The following SNTG1 variants were observed in gnomAD, a reference collection of about 807,000 sequenced individuals.
SNTG1 encodes the protein syntrophin gamma 1, also known as gamma-1-syntrophin.
A neutral mutation model predicts 74.7 loss-of-function variants in SNTG1; 39 were observed. That is an observed-to-expected ratio of 0.52 (90% CI 0.40 to 0.68). SNTG1 has a LOEUF of 0.68. Ranked by LOEUF, SNTG1 falls within the 30% of genes least tolerant of loss-of-function variation. SNTG1 has a pLI of 0.00. For missense variants in SNTG1, 685 were observed against 609.5 expected (o/e 1.12, Z -1.30); for synonymous variants, 254 against 217.1 (o/e 1.17, Z -1.49).
intron 2 of SNTG1, among the ~76,000 whole-genome samples, chr8:50,188,662 A>C (rs913843734): frequency 1.3e-5 from 2 of 152,092 alleles, no homozygotes; most frequent in Non-Finnish European, 2.9e-5. Flanking sequence ...TCTGGTAAAC[A>C]CCACTTCCAT....
intron 1 of SNTG1, among the ~76,000 whole-genome samples, chr8:50,094,672 A>G (rs544713142): frequency 6.6e-6 from 1 of 152,284 alleles, no homozygotes; most frequent in African/African-American, 2.4e-5. Flanking sequence ...TGAAAGAGTC[A>G]AAAAAATAAC....
rs570893659 is a variant in SNTG1 at position 50,300,215 on chromosome 8, C to T, written c.-27-93997C>T. Among the ~76,000 whole-genome samples, 5 of 152,166 alleles carry T rather than the reference C, an allele frequency of 3.3e-5. No homozygotes were observed. In the South Asian group the frequency reaches 8.3e-4, roughly 25 times the overall value. On this transcript the variant is annotated intron_variant, in intron 2 of 18. Coordinates refer to ENST00000642720, the MANE Select transcript of SNTG1 (RefSeq NM_018967.5). ...TATCTTTTCGACCAAAAGAGTATTA[C>T]GAAACAGTTGTAGTATGCAAGCACC...
At chr8:50,485,683 C>T (rs1380883256) in intron 8 of SNTG1, among the ~76,000 whole-genome samples, 1 of 150,936 alleles carries the variant, frequency 6.6e-6, no homozygotes, top group Non-Finnish European at 1.5e-5. Context: ...AATTAGATCC[C>T]ATTTGTCAAT....
intron 17 of SNTG1, among the ~76,000 whole-genome samples, chr8:50,716,801 C>T (rs1419390880): frequency 6.6e-6 from 1 of 151,190 alleles, no homozygotes; most frequent in Admixed American, 6.6e-5. Flanking sequence ...GGCGCGATCT[C>T]AGCTCACTGC....
intron 9 of SNTG1, among the ~76,000 whole-genome samples, chr8:50,508,244 A>G (rs1157093009): frequency 6.6e-6 from 1 of 152,206 alleles, no homozygotes; most frequent in Non-Finnish European, 1.5e-5. Context: ...TACAAAAGAC[A>G]TGAACTCATC....
intron 1 of SNTG1, among the ~76,000 whole-genome samples, chr8:50,103,931 AG>A (rs1396893401): frequency 3.3e-5 from 5 of 152,158 alleles, no homozygotes; most frequent in African/African-American, 1.2e-4. Context: ...ATGCTGGATA[AG>A]CTTTTTGATG....
chr8:50,110,245 G>T (rs2131297361), intron 1 of SNTG1, among the ~76,000 whole-genome samples: 1 of 152,230 alleles, frequency 6.6e-6, no homozygotes, highest in African/African-American at 2.4e-5. Flanking sequence ...TTTCCATCTA[G>T]GTGTTTTCCC....
intron 13 of SNTG1, among the ~76,000 whole-genome samples, chr8:50,651,337 G>C (rs1445911746): frequency 1.3e-5 from 2 of 151,278 alleles, no homozygotes; most frequent in Admixed American, 1.3e-4. Context: ...CAGATGTTGA[G>C]ACTTAAAAAA....
intron 2 of SNTG1, among the ~76,000 whole-genome samples, chr8:50,365,616 T>A (rs2092087119): frequency 6.6e-6 from 1 of 152,112 alleles, no homozygotes; most frequent in African/African-American, 2.4e-5. Context: ...TTGTTTTAAT[T>A]ATATCTAGAC....
At chr8:50,092,971 T>TG (rs1444920410) in intron 1 of SNTG1, among the ~76,000 whole-genome samples, 1 of 152,180 alleles carries the variant, frequency 6.6e-6, no homozygotes, top group African/African-American at 2.4e-5. Context: ...GCACTGTGGC[T>TG]GGTGGTAAGA....
At chr8:50,259,509 AAAGAAAG>A (rs572291501) in intron 2 of SNTG1, among the ~76,000 whole-genome samples, 603 of 10,952 alleles carry the variant, frequency 0.055, 36 homozygotes, top group African/African-American at 0.064. Flanking sequence ...AAAAAAAAAA[AAAGAAAG>A]AAAGAAAGAA....
intron 4 of SNTG1, among the ~76,000 whole-genome samples, chr8:50,433,407 C>A (rs1476329236): frequency 1.3e-5 from 2 of 151,798 alleles, no homozygotes; most frequent in Non-Finnish European, 2.9e-5. Context: ...GATATCCTGG[C>A]CTTATTCCCA....
chr8:50,526,604 T>C (rs1317607300), intron 9 of SNTG1, among the ~76,000 whole-genome samples: 1 of 138,474 alleles, frequency 7.2e-6, no homozygotes, highest in Non-Finnish European at 1.5e-5. Context: ...AGCATATATA[T>C]GTGTGTGTGT....
chr8:50,097,279 A>T (rs1043647714), intron 1 of SNTG1, among the ~76,000 whole-genome samples: 1 of 152,184 alleles, frequency 6.6e-6, no homozygotes, highest in Non-Finnish European at 1.5e-5. Context: ...ATTAATAATT[A>T]TGTGTAGATG....
At chr8:50,343,897 A>G (rs906396989) in intron 2 of SNTG1, among the ~76,000 whole-genome samples, 3 of 152,196 alleles carry the variant, frequency 2.0e-5, no homozygotes, top group African/African-American at 7.2e-5. Flanking sequence ...TATTATCACA[A>G]TAGTGATGAA....
chr8:50,591,180 A>C (rs901815561), intron 13 of SNTG1, among the ~76,000 whole-genome samples: 2 of 152,144 alleles, frequency 1.3e-5, no homozygotes, highest in Admixed American at 6.6e-5. Context: ...TACATTGTTG[A>C]AGAACTTAGA....
intron 8 of SNTG1, among the ~76,000 whole-genome samples, chr8:50,470,870 T>G (rs978457162): frequency 7.9e-5 from 12 of 152,170 alleles, no homozygotes; most frequent in African/African-American, 2.7e-4. Flanking sequence ...CGGCGTTTAT[T>G]CCCTTATTTG....
chr8:50,309,331 A>T (rs2090018474), intron 2 of SNTG1, among the ~76,000 whole-genome samples: 1 of 146,706 alleles, frequency 6.8e-6, no homozygotes, highest in Non-Finnish European at 1.5e-5. Context: ...CTAAATATTA[A>T]ATAGACTTTG....
At chr8:50,007,547 T>C (rs1162165788) in intron 1 of SNTG1, among the ~76,000 whole-genome samples, 2 of 152,108 alleles carry the variant, frequency 1.3e-5, no homozygotes, top group African/African-American at 4.8e-5. Flanking sequence ...TGAGAGTTGA[T>C]TAGACAAATT....
Sources: allele counts gnomAD v4.1 joint callset (sites outside exome capture counted in the v4.1 genomes callset), GRCh38; gene constraint gnomAD v4.1.1; transcripts MANE v1.5; gene names NCBI Gene and HGNC (gene_info 2026-07-23, HGNC 2026-07-21).